Variants in ARMC3 observed in about 807,000 individuals in gnomAD.
ARMC3 encodes armadillo repeat containing 3.
A neutral mutation model predicts 90.3 loss-of-function variants in ARMC3; 74 were observed. The ratio of observed to expected loss-of-function variants is 0.82; its 90% CI spans 0.68 to 0.99. ARMC3 has a LOEUF of 0.99. Among genes scored for constraint, ARMC3 ranks in the 50% least tolerant of loss-of-function variants. ARMC3 has a pLI of 0.00. For synonymous variants in ARMC3, 334 were observed against 361.8 expected, an observed-to-expected ratio of 0.92 and a Z score of 0.87; for missense variants, 958 against 1,042.8, an observed-to-expected ratio of 0.92 and a Z score of 1.12.
chr10:22,992,813 A>G (rs1262942670), intron 10 of ARMC3, among the ~76,000 whole-genome samples: 2 of 152,038 alleles, frequency 1.3e-5, no homozygotes, highest in African/African-American at 4.8e-5. Flanking sequence ...AGCATTCCAA[A>G]TCTGGCTGTG....
intron 11 of ARMC3, among the ~76,000 whole-genome samples, chr10:23,001,540 G>A (rs1452518317): frequency 6.6e-6 from 1 of 152,208 alleles, no homozygotes; most frequent in East Asian, 1.9e-4. Context: ...TTCCAGGGAT[G>A]AGGATATCTT....
At chr10:22,988,433 A>C (rs1427073194) in intron 10 of ARMC3, among the ~76,000 whole-genome samples, 2 of 152,242 alleles carry the variant, frequency 1.3e-5, no homozygotes, top group Non-Finnish European at 2.9e-5. Flanking sequence ...AAGTTTCTCC[A>C]GCAGAAATAG....
At chr10:22,969,611 T>C (rs1337962005) in intron 8 of ARMC3, among the ~76,000 whole-genome samples, 4 of 152,202 alleles carry the variant, frequency 2.6e-5, no homozygotes, top group African/African-American at 9.7e-5. Flanking sequence ...GGTTGTGAAA[T>C]CAAGGTTTCT....
intron 7 of ARMC3, among the ~76,000 whole-genome samples, chr10:22,965,527 A>G (rs1488605109): frequency 6.6e-6 from 1 of 152,122 alleles, no homozygotes; most frequent in Non-Finnish European, 1.5e-5. Flanking sequence ...ATATAATTAT[A>G]TATCCTGCTT....
intron 6 of ARMC3, 166 bp from the exon 7 acceptor site, chr10:22,961,715 ATGT>A (rs878950850): frequency 8.7e-6 from 5 of 573,328 alleles, no homozygotes; most frequent in South Asian, 2.5e-5. Context: ...ATAAATTTTG[ATGT>A]TGTCAATTGA....
At chr10:22,968,764 C>G (rs954870105) in intron 8 of ARMC3, among the ~76,000 whole-genome samples, 1 of 152,142 alleles carries the variant, frequency 6.6e-6, no homozygotes, top group Non-Finnish European at 1.5e-5. Flanking sequence ...GACTGAGTTA[C>G]AGGCATGAGC....
intron 10 of ARMC3, among the ~76,000 whole-genome samples, chr10:22,992,047 T>C (rs558141227): frequency 4.6e-4 from 70 of 152,326 alleles, no homozygotes; most frequent in African/African-American, 1.6e-3. Flanking sequence ...GAGAGTTGTT[T>C]TTTGCTGATG....
At chr10:23,003,182 A>T (rs761181827) in intron 12 of ARMC3, 64 bp from the exon 13 acceptor site, 64 of 1,451,256 alleles carry the variant, frequency 4.4e-5, no homozygotes, top group Non-Finnish European at 6.0e-5. Flanking sequence ...GTCGGTATAT[A>T]AGTGGAGACT....
intron 3 of ARMC3, among the ~76,000 whole-genome samples, chr10:22,954,847 A>G (rs993551689): frequency 6.6e-6 from 1 of 152,136 alleles, no homozygotes; most frequent in African/African-American, 2.4e-5. Context: ...AAAGATTTGT[A>G]ATGGGAATTG....
At chr10:23,009,080 C>T in intron 16 of ARMC3, 149 bp downstream of exon 16, 2 of 664,752 alleles carry the variant, frequency 3.0e-6, no homozygotes, top group East Asian at 2.8e-5. Flanking sequence ...ATTTTTGTCT[C>T]TTACCATCTC....
intron 13 of ARMC3, among the ~76,000 whole-genome samples, chr10:23,005,613 C>G (rs1837563845): frequency 1.3e-5 from 2 of 152,120 alleles, no homozygotes; most frequent in African/African-American, 4.8e-5. Context: ...GCCTGTAATC[C>G]CAGCACTTTG....
chr10:22,996,025 T>G (rs1333669168), intron 10 of ARMC3, among the ~76,000 whole-genome samples: 1 of 152,188 alleles, frequency 6.6e-6, no homozygotes, highest in Non-Finnish European at 1.5e-5. Context: ...ATATTTATAA[T>G]GATTAACAAA....
intron 10 of ARMC3, among the ~76,000 whole-genome samples, chr10:22,995,337 A>C (rs1836900570): frequency 6.6e-6 from 1 of 152,172 alleles, no homozygotes; most frequent in Non-Finnish European, 1.5e-5. Context: ...TTTTAAGGTA[A>C]GAATAATAGT....
chr10:22,970,234 T>C (rs1307666078), intron 8 of ARMC3, among the ~76,000 whole-genome samples: 1 of 152,176 alleles, frequency 6.6e-6, no homozygotes, highest in Non-Finnish European at 1.5e-5. Context: ...ATAAATTGTC[T>C]GGTCAAAGAA....
At chr10:23,016,865 G>A (rs1030538411) in intron 16 of ARMC3, among the ~76,000 whole-genome samples, 2 of 152,180 alleles carry the variant, frequency 1.3e-5, no homozygotes, top group African/African-American at 4.8e-5. Flanking sequence ...TCCTGCCTCT[G>A]TTTTGTAGGT....
Position 22,986,577 on chromosome 10 carries a change from AC to A in ARMC3, c.1175+4878del, listed in dbSNP as rs766189944. ...AAAAAAAAAAACAAAAAAAAAAAAA[AC>A]AAACCCAAAACAAAACAAAACAAAA... On this transcript the variant is annotated intron_variant, in intron 10 of 18. Coordinates refer to ENST00000298032, the MANE Select transcript of ARMC3 (RefSeq NM_173081.5). Among the ~76,000 whole-genome samples the A allele has an allele frequency of 9.9e-3, 1,438 of 144,792 alleles. 8 individuals are homozygous for A. The highest frequency in any genetic ancestry group is 0.011 in the Non-Finnish European group (754 of 65,794). 95.0% of individuals were successfully genotyped at this position (144,792 alleles called of 152,430 possible).
intron 6 of ARMC3, chr10:22,959,947 A>G (rs776507761): frequency 5.0e-6 from 2 of 401,664 alleles, no homozygotes; most frequent in Non-Finnish European, 9.6e-6. Flanking sequence ...ACCCTATTCA[A>G]TGTACTGAGA....
At position 22,938,774 on chromosome 10, in the gene ARMC3, G is replaced by A. The variant is rs574503628; in HGVS notation, c.48+6730G>A. ...TGTTAAATTCAGAAAAATAACAGCT[G>A]TGGAAGAAGAGAAAGAAAAGCAAGC... On this transcript the variant is annotated intron_variant, in intron 2 of 18. Transcript: ENST00000298032. 5.9e-5 allele frequency among the ~76,000 whole-genome samples: 9 copies of A among 152,250 alleles called. No individual in the cohort carries two copies. In the South Asian group the frequency reaches 1.5e-3, roughly 25 times the overall value.
In ARMC3 at chr10:23,008,344, C is replaced by T; in HGVS notation, c.1898C>T (p.Ser633Phe). 6.5e-7 allele frequency: 1 copy of T among 1,529,374 alleles called. No individual in the cohort carries two copies. Among genetic ancestry groups the T allele is most frequent in the Non-Finnish European group, 8.9e-7 (1 of 1,117,928 alleles). 94.7% of individuals were successfully genotyped at this position (1,529,374 alleles called of 1,614,324 possible). ...GYGRSISSSS[S>F]LRRSSKEKNK... ...GGACGAAGTATTTCTTCTTCATCTT[C>T]CTTAAGAAGATCAAGTAAAGAAAAG... Residue 633 changes from serine (S) to phenylalanine (F), a missense_variant, in exon 15 of 19, where the codon TCC becomes TTC. Ser to Phe is a radical substitution (Grantham distance 155, BLOSUM62 -2). Coordinates refer to ENST00000298032, the MANE Select transcript of ARMC3 (RefSeq NM_173081.5).
Sources: allele counts gnomAD v4.1 joint callset (sites outside exome capture counted in the v4.1 genomes callset), GRCh38; gene constraint gnomAD v4.1.1; transcripts MANE v1.5; gene names NCBI Gene and HGNC (gene_info 2026-07-23, HGNC 2026-07-21).